ANKRD30A: variants seen among roughly 807,000 people sequenced by gnomAD.
The protein encoded by ANKRD30A is ankyrin repeat domain-containing protein 30A.
A neutral mutation model predicts 166.3 loss-of-function variants in ANKRD30A; 170 were observed. The ratio of observed to expected loss-of-function variants is 1.02; its 90% CI spans 0.90 to 1.16. The LOEUF (loss-of-function observed/expected upper bound fraction) is 1.16. Ranked by LOEUF, ANKRD30A falls within the 50% of genes most tolerant of loss-of-function variation. The pLI is 0.00. For synonymous variants in ANKRD30A, 564 were observed against 508.9 expected (o/e 1.11, Z -1.46); for missense variants, 1,630 against 1,518.0 (o/e 1.07, Z -1.23).
At chr10:37,264,805 C>T in the ANKRD30A span, among the ~76,000 whole-genome samples, 1 of 152,154 alleles carries the variant, frequency 6.6e-6, no homozygotes, top group African/African-American at 2.4e-5. Flanking sequence ...AATTAAAGCA[C>T]CTGGAAGATG....
At chr10:37,154,237 A>G (rs1838187150) in intron 13 of ANKRD30A, among the ~76,000 whole-genome samples, 1 of 152,234 alleles carries the variant, frequency 6.6e-6, no homozygotes, top group Non-Finnish European at 1.5e-5. Context: ...CTGCATGGCC[A>G]CACATGTATA....
At chr10:37,216,485 G>T in intron 32 of ANKRD30A, 91 bp downstream of exon 32, 1 of 1,254,922 alleles carries the variant, frequency 8.0e-7, no homozygotes. Flanking sequence ...ACCTTCTGAG[G>T]TTTTACTGGA....
At chr10:37,217,447 A>G (rs1391100004) in intron 32 of ANKRD30A, among the ~76,000 whole-genome samples, 5 of 150,944 alleles carry the variant, frequency 3.3e-5, no homozygotes, top group Admixed American at 2.0e-4. Context: ...ATTCTTTTCT[A>G]TAACAGTCGT....
In ANKRD30A at chr10:37,147,471, T is replaced by G; in HGVS notation, c.1543+14T>G. On this transcript the variant is annotated intron_variant, in intron 9 of 35. Coordinates refer to ENST00000361713, the MANE Select transcript of ANKRD30A (RefSeq NM_052997.3). ...GAGAAGTAGAAGGTAAGAACGATTTTTTATTTGAAAAGTCTTTTAACCATA... is the reference window on the plus strand; with the variant it reads ...GAGAAGTAGAAGGTAAGAACGATTTGTTATTTGAAAAGTCTTTTAACCATA... The G allele has an allele frequency of 6.6e-7, 1 of 1,526,358 alleles. No individual in the cohort carries two copies. Among genetic ancestry groups the G allele is most frequent in the Non-Finnish European group, 8.9e-7 (1 of 1,121,884 alleles). The allele number at this position is 1,526,358 out of a possible 1,614,324, so 94.6% of individuals were successfully genotyped here. A position where few individuals can be genotyped will look rare whatever the true frequency, so the allele number is the denominator to read the frequency against.
chr10:37,208,769 A>G (rs2132713622), intron 31 of ANKRD30A, among the ~76,000 whole-genome samples: 1 of 152,256 alleles, frequency 6.6e-6, no homozygotes, highest in East Asian at 1.9e-4. Flanking sequence ...CTCCAAGGTG[A>G]TAACATGTCT....
chr10:37,241,507 C>T, the ANKRD30A span, among the ~76,000 whole-genome samples: 1 of 151,740 alleles, frequency 6.6e-6, no homozygotes, highest in South Asian at 2.1e-4. Flanking sequence ...CAAATAAAAT[C>T]CTGTATTATT....
chr10:37,251,713 A>AT, the ANKRD30A span, among the ~76,000 whole-genome samples: 1 of 152,190 alleles, frequency 6.6e-6, no homozygotes, highest in Admixed American at 6.5e-5. Flanking sequence ...TGGAAGAAAT[A>AT]TTTTTGAGTA....
chr10:37,156,078 C>CAAA (rs35340454), intron 13 of ANKRD30A, among the ~76,000 whole-genome samples: 83 of 132,306 alleles, frequency 6.3e-4, no homozygotes, highest in African/African-American at 2.0e-3. Flanking sequence ...GATACGCTAT[C>CAAA]AAAAAAAAAA....
At chr10:37,245,240 A>T in the ANKRD30A span, among the ~76,000 whole-genome samples, 1 of 151,874 alleles carries the variant, frequency 6.6e-6, no homozygotes, top group Non-Finnish European at 1.5e-5. Flanking sequence ...TCTTTTTGTT[A>T]CTTGCTTACA....
intron 24 of ANKRD30A, among the ~76,000 whole-genome samples, chr10:37,178,983 A>G (rs1293311498): frequency 1.4e-5 from 2 of 146,616 alleles, no homozygotes; most frequent in African/African-American, 5.0e-5. Flanking sequence ...TCAGTGACTC[A>G]TTAATTTTCT....
At chr10:37,202,801 G>C (rs886874074) in intron 31 of ANKRD30A, among the ~76,000 whole-genome samples, 16 of 151,870 alleles carry the variant, frequency 1.1e-4, no homozygotes, top group African/African-American at 3.4e-4. Flanking sequence ...AATGATAAAG[G>C]GGATATCACC....
At chr10:37,193,399 T>C (rs1840767872) in intron 27 of ANKRD30A, 141 bp downstream of exon 27, 3 of 1,244,606 alleles carry the variant, frequency 2.4e-6, no homozygotes, top group Non-Finnish European at 3.3e-6. Flanking sequence ...AATGTGAGTA[T>C]TTCTGTTTGA....
At chr10:37,196,105 T>TTTA (rs1841079647) in intron 27 of ANKRD30A, among the ~76,000 whole-genome samples, 2 of 148,970 alleles carry the variant, frequency 1.3e-5, no homozygotes, top group African/African-American at 2.5e-5. Flanking sequence ...TTTTTTTTTT[T>TTTA]TTTTTTTGTA....
chr10:37,193,737 G>A (rs1207369594), intron 27 of ANKRD30A, among the ~76,000 whole-genome samples: 2 of 151,922 alleles, frequency 1.3e-5, no homozygotes, highest in South Asian at 2.1e-4. Flanking sequence ...TAAAAAATCA[G>A]TCAAGCAATC....
chr10:37,254,892 C>T, the ANKRD30A span, among the ~76,000 whole-genome samples: 6 of 152,040 alleles, frequency 3.9e-5, no homozygotes, highest in Admixed American at 1.3e-4. Context: ...CCGTGTTAGC[C>T]AGAACGGTCT....
intron 3 of ANKRD30A, 116 bp downstream of exon 3, chr10:37,130,494 G>C (rs570453586): frequency 2.6e-6 from 2 of 775,312 alleles, no homozygotes; most frequent in East Asian, 6.9e-5. Flanking sequence ...AAAATAGTTT[G>C]AAAGAACTTA....
At chr10:37,179,263 T>A (rs1360162048) in intron 24 of ANKRD30A, among the ~76,000 whole-genome samples, 1 of 150,942 alleles carries the variant, frequency 6.6e-6, no homozygotes, top group Non-Finnish European at 1.5e-5. Flanking sequence ...ATGACTTGAA[T>A]ACCTAAATTG....
intron 25 of ANKRD30A, among the ~76,000 whole-genome samples, chr10:37,191,228 G>C (rs1284349309): frequency 4.0e-5 from 6 of 151,816 alleles, no homozygotes; most frequent in Non-Finnish European, 8.8e-5. Flanking sequence ...GAGTAAGCTA[G>C]AAATTACAAA....
At chr10:37,212,632 C>G (rs1435382445) in intron 31 of ANKRD30A, among the ~76,000 whole-genome samples, 1 of 152,002 alleles carries the variant, frequency 6.6e-6, no homozygotes, top group African/African-American at 2.4e-5. Flanking sequence ...CACAAGGCTA[C>G]AGTAACCAAA....
Sources: allele counts gnomAD v4.1 joint callset (sites outside exome capture counted in the v4.1 genomes callset), GRCh38; gene constraint gnomAD v4.1.1; transcripts MANE v1.5; gene names NCBI Gene and HGNC (gene_info 2026-07-23, HGNC 2026-07-21).